Variants in PROS1 observed in about 807,000 individuals in gnomAD.
The protein encoded by PROS1 is vitamin K-dependent protein S.
PROS1 carries 29 observed loss-of-function variants against 75.9 expected under a neutral mutation model. The observed-to-expected ratio is 0.38, with a 90% CI of 0.28 to 0.52. The LOEUF (loss-of-function observed/expected upper bound fraction) is 0.52, where lower values mean the gene tolerates loss of function less well. Ranked by LOEUF, PROS1 falls within the 20% of genes least tolerant of loss-of-function variation. The pLI is 0.83. For synonymous variants in PROS1, 245 were observed against 280.6 expected, an observed-to-expected ratio of 0.87 and a Z score of 1.27; for missense variants, 680 against 810.3, an observed-to-expected ratio of 0.84 and a Z score of 1.95.
intron 6 of PROS1, among the ~76,000 whole-genome samples, chr3:93,902,960 G>A (rs1309862943): frequency 3.9e-5 from 6 of 151,928 alleles, no homozygotes; most frequent in African/African-American, 4.8e-5. Flanking sequence ...TCTGCCTCCC[G>A]GGTTCACGCT....
rs185826161 is a variant in PROS1, at chr3:93,940,832, C to T, written c.77-13425G>A. ...AGCATGGGCTTCTAAAACTTATAAA[C>T]TCTCCTTACAATTCCCCCATTTTAC... On this transcript the variant is annotated intron_variant, in intron 1 of 14. Coordinates refer to ENST00000394236, the MANE Select transcript of PROS1 (RefSeq NM_000313.4). Among the ~76,000 whole-genome samples, 159 of 152,288 alleles carry T rather than the reference C, an allele frequency of 1.0e-3. 1 individual carries two copies. Among genetic ancestry groups the T allele is most frequent in the Non-Finnish European group, 1.9e-3 (129 of 68,026 alleles).
Position 93,927,313 on chromosome 3 carries a change from T to C in PROS1, c.171A>G (p.Glu57=), listed in dbSNP as rs1709034102. 5 of 1,613,540 alleles carry C rather than the reference T, an allele frequency of 3.1e-6. No homozygotes were observed. Among genetic ancestry groups the C allele is most frequent in the African/African-American group, 1.3e-5 (1 of 74,854 alleles). ...CTTTATTGCACAGTTCTTCGATGCATTCTCTTTCAAGATTACCCTGTTTGG... is the reference window on the plus strand; with the variant it reads ...CTTTATTGCACAGTTCTTCGATGCACTCTCTTTCAAGATTACCCTGTTTGG... The part of the protein sequence containing the change: ...EETKQGNLER[E]CIEELCNKEE... The change falls in exon 2 of 15, where the codon GAA becomes GAG. Residue 57 remains glutamate (E), a synonymous_variant. Transcript: ENST00000394236.
intron 1 of PROS1, chr3:93,958,738 T>C (rs1482362385): frequency 6.6e-6 from 1 of 152,370 alleles, no homozygotes; most frequent in Non-Finnish European, 1.5e-5. Context: ...GTTTCTGCTT[T>C]TGCGTCTTCC....
chr3:93,927,993 G>GTATA (rs1553814546), intron 1 of PROS1, among the ~76,000 whole-genome samples: 646 of 25,598 alleles, frequency 0.025, 69 homozygotes, highest in African/African-American at 0.067. Flanking sequence ...GTGTGTGTGT[G>GTATA]TATATATATA....
At chr3:93,916,902 T>G (rs938464715) in intron 3 of PROS1, among the ~76,000 whole-genome samples, 2 of 152,208 alleles carry the variant, frequency 1.3e-5, no homozygotes, top group Non-Finnish European at 2.9e-5. Context: ...GCTATCTTGA[T>G]TTGTCAATTC....
chr3:93,913,509 A>T (rs1449308241), intron 3 of PROS1, among the ~76,000 whole-genome samples: 1 of 152,176 alleles, frequency 6.6e-6, no homozygotes, highest in Non-Finnish European at 1.5e-5. Flanking sequence ...TGGAACTGTG[A>T]GTCAATTAAA....
rs1242334560 is a variant in PROS1 at position 93,876,827 on chromosome 3, A to T, written c.1870+139T>A. Reference sequence around the variant, plus strand: ...AAAAATATGCCAATAAAATGTCGGTACTAGCCCCTAGAAAAAGAATAATGA... The same window carrying T: ...AAAAATATGCCAATAAAATGTCGGTTCTAGCCCCTAGAAAAAGAATAATGA... On this transcript the variant is annotated intron_variant, in intron 14 of 14. Coordinates refer to ENST00000394236, the MANE Select transcript of PROS1 (RefSeq NM_000313.4). 6.7e-6 allele frequency: 4 copies of T among 595,572 alleles called. No individual in the cohort carries two copies. In the African/African-American group the frequency reaches 7.5e-5, roughly 11 times the overall value. 36.9% of individuals were successfully genotyped at this position (595,572 alleles called of 1,614,324 possible).
chr3:93,894,147 A>G (rs1708469984), intron 9 of PROS1, among the ~76,000 whole-genome samples: 1 of 152,172 alleles, frequency 6.6e-6, no homozygotes, highest in South Asian at 2.1e-4. Flanking sequence ...TATATTAGGC[A>G]GGACAGAATC....
chr3:93,891,923 A>ATATTTG (rs1311903346), intron 10 of PROS1, among the ~76,000 whole-genome samples: 1 of 151,924 alleles, frequency 6.6e-6, no homozygotes, highest in Non-Finnish European at 1.5e-5. Flanking sequence ...CTATCTGCTT[A>ATATTTG]TATTTGAATT....
intron 3 of PROS1, among the ~76,000 whole-genome samples, chr3:93,911,819 G>A (rs933825780): frequency 4.6e-5 from 7 of 152,150 alleles, no homozygotes; most frequent in Admixed American, 6.5e-5. Context: ...ATATTCTGTT[G>A]ATCAAAGGGG....
At chr3:93,928,495 C>T (rs1414065739) in intron 1 of PROS1, among the ~76,000 whole-genome samples, 18 of 148,030 alleles carry the variant, frequency 1.2e-4, no homozygotes, top group Non-Finnish European at 2.1e-4. Context: ...GATCCTGCCA[C>T]TGCACTCCAG....
chr3:93,917,670 C>T (rs1289501812), intron 3 of PROS1, among the ~76,000 whole-genome samples: 3 of 152,074 alleles, frequency 2.0e-5, no homozygotes, highest in Admixed American at 6.5e-5. Flanking sequence ...CTTGGCGGGC[C>T]GGCACTCGGA....
intron 1 of PROS1, among the ~76,000 whole-genome samples, chr3:93,956,520 C>T (rs1341209154): frequency 3.6e-5 from 5 of 139,448 alleles, no homozygotes; most frequent in African/African-American, 1.4e-4. Flanking sequence ...CTGTCTCTCT[C>T]TCTCTCTCTC....
In PROS1 at chr3:93,874,908, G is replaced by T. The variant is rs539433785; in HGVS notation, c.1871-503C>A. On this transcript the variant is annotated intron_variant, in intron 14 of 14. Transcript: ENST00000394236. ...CAATTTTTTTGTTGAGCATACAATA[G>T]GTCATGATACAGGATTCACTTTCAT... is the stretch of plus-strand genomic sequence containing the variant. Among the ~76,000 whole-genome samples the T allele has an allele frequency of 7.9e-4, 120 of 152,096 alleles. 1 individual carries two copies. Among genetic ancestry groups the T allele is most frequent in the African/African-American group, 2.7e-3 (113 of 41,530 alleles).
chr3:93,906,287 A>G (rs1708674685), intron 4 of PROS1, 144 bp from the exon 5 acceptor site: 28 of 946,234 alleles, frequency 3.0e-5, no homozygotes, highest in Non-Finnish European at 4.4e-5. Flanking sequence ...CTTTTCCTAA[A>G]TTAAAAAGTG....
chr3:93,958,143 C>G (rs888537202), intron 1 of PROS1, among the ~76,000 whole-genome samples: 1 of 151,870 alleles, frequency 6.6e-6, no homozygotes, highest in African/African-American at 2.4e-5. Context: ...TATCACCCAA[C>G]CCCCCTAAAT....
chr3:93,927,993 G>GTGTATATA lies in PROS1; in HGVS notation c.77-587_77-586insTATATACA, dbSNP rs1304225620. On this transcript the variant is annotated intron_variant, in intron 1 of 14. Coordinates refer to ENST00000394236, the MANE Select transcript of PROS1 (RefSeq NM_000313.4). ...TGTGTGTATATATATGTGTGTGTGT[G>GTGTATATA]TATATATATATATATATATTTTTTT... Among the ~76,000 whole-genome samples, 33 of 25,604 alleles carry GTGTATATA rather than the reference G, an allele frequency of 1.3e-3. 2 individuals carry two copies. The highest frequency in any genetic ancestry group is 5.8e-3 in the East Asian group (6 of 1,042). 16.8% of individuals were successfully genotyped at this position (25,604 alleles called of 152,430 possible).
At chr3:93,874,530 T>A in intron 14 of PROS1, 125 bp from the exon 15 acceptor site, 2 of 1,280,564 alleles carry the variant, frequency 1.6e-6, no homozygotes, top group Non-Finnish European at 2.2e-6. Flanking sequence ...AAGTTAATAG[T>A]GAAATTCTAT....
At chr3:93,937,620 G>A (rs1709205254) in intron 1 of PROS1, among the ~76,000 whole-genome samples, 1 of 152,048 alleles carries the variant, frequency 6.6e-6, no homozygotes, top group Non-Finnish European at 1.5e-5. Flanking sequence ...GCCCACCTCA[G>A]CCTCCCAAAG....
Sources: gnomAD v4.1 joint callset for allele counts (sites outside exome capture counted in the v4.1 genomes callset) on GRCh38, gnomAD v4.1.1 for gene constraint, MANE v1.5 for transcripts, NCBI Gene and HGNC (gene_info 2026-07-23, HGNC 2026-07-21) for gene names.